PANK4: variants seen among roughly 807,000 people sequenced by gnomAD.
PANK4 encodes the protein pantothenate kinase 4 (inactive).
In PANK4, 40 loss-of-function variants were observed where a neutral mutation model predicts 87.9. The observed-to-expected ratio is 0.46, with a 90% CI of 0.35 to 0.59. The LOEUF (loss-of-function observed/expected upper bound fraction) is 0.59. PANK4 is among the 20% of genes least tolerant of loss of function. PANK4 has a pLI of 0.00. For missense variants in PANK4, 926 were observed against 1,072.3 expected (o/e 0.86, Z 1.90); for synonymous variants, 524 against 467.4 (o/e 1.12, Z -1.56).
intron 13 of PANK4, among the ~76,000 whole-genome samples, chr1:2,512,185 C>G (rs530666394): frequency 1.3e-5 from 2 of 152,278 alleles, no homozygotes; most frequent in Admixed American, 6.5e-5. Flanking sequence ...GGGTCAGGAC[C>G]CTCCTCCAAT....
chr1:2,517,525 A>G lies in PANK4; in HGVS notation c.1218+639T>C, dbSNP rs116127768. ...CGGTCGAGGACCCTGACAGCCTGTG[A>G]CACGGGGCGGTTCCTGCCATGTGGG... On this transcript the variant is annotated intron_variant, in intron 9 of 18. Transcript: ENST00000378466. Among the ~76,000 whole-genome samples, 1,514 of 152,340 alleles carry G rather than the reference A, an allele frequency of 9.9e-3. 24 individuals are homozygous for G. Among genetic ancestry groups the G allele is most frequent in the African/African-American group, 0.034 (1,419 of 41,570 alleles).
At chr1:2,524,039 A>G (rs1466286694) in intron 1 of PANK4, among the ~76,000 whole-genome samples, 1 of 152,132 alleles carries the variant, frequency 6.6e-6, no homozygotes, top group Non-Finnish European at 1.5e-5. Context: ...CTCTTTGGGC[A>G]CCAATGGAGG....
At position 2,520,175 on chromosome 1, in the gene PANK4, G is replaced by T; in HGVS notation, c.699+147C>A. The T allele has an allele frequency of 1.2e-6, 1 of 809,940 alleles. No individual in the cohort carries two copies. Among genetic ancestry groups the T allele is most frequent in the Admixed American group, 2.4e-5 (1 of 42,386 alleles). The allele number at this position is 809,940 out of a possible 1,614,324, so 50.2% of individuals were successfully genotyped here. A position where few individuals can be genotyped will look rare whatever the true frequency, so the allele number is the denominator to read the frequency against. On this transcript the variant is annotated intron_variant, in intron 5 of 18. Coordinates refer to ENST00000378466, the MANE Select transcript of PANK4 (RefSeq NM_018216.4). This position sits in a 1 kb window ranked among gnomAD's most constrained non-coding sequence, Gnocchi z 6.2. Reference sequence around the variant, plus strand: ...ACACCCAACCCTCAGGGCGCAAAGAGTGAAGCCGCAGAGGCCAGAGACCCA... The same window carrying T: ...ACACCCAACCCTCAGGGCGCAAAGATTGAAGCCGCAGAGGCCAGAGACCCA...
rs1029980344 is a variant in PANK4 at position 2,518,748 on chromosome 1, G to A, written c.1036-151C>T. On this transcript the variant is annotated intron_variant, in intron 7 of 18. Coordinates refer to ENST00000378466, the MANE Select transcript of PANK4 (RefSeq NM_018216.4). ...CCACGGCATACTTGCCAGTGGAATC[G>A]CGCCTGGCACCAGAGGGCGGGCTGC... The A allele has an allele frequency of 2.6e-5, 18 of 685,838 alleles. No individual in the cohort carries two copies. In the African/African-American group the frequency reaches 2.8e-4, roughly 11 times the overall value. The allele number at this position is 685,838 out of a possible 1,614,324, so 42.5% of individuals were successfully genotyped here.
chr1:2,508,751 C>T lies in PANK4; in HGVS notation c.*96G>A. 1.3e-6 allele frequency: 1 copy of T among 758,142 alleles called. No homozygotes were observed. Among genetic ancestry groups the T allele is most frequent in the Admixed American group, 2.1e-5 (1 of 47,026 alleles). 47.0% of individuals were successfully genotyped at this position (758,142 alleles called of 1,614,324 possible). On this transcript the variant is annotated 3_prime_UTR_variant, in exon 19 of 19. Transcript: ENST00000378466. The surrounding 1 kb of genome is among the most constrained non-coding windows in gnomAD (Gnocchi z 5.1). Reference sequence around the variant, plus strand: ...GTGTATGTGCCGCGTCACAGCAGTACCATATAAATACGTTGATTTGAACGC... The same window carrying T: ...GTGTATGTGCCGCGTCACAGCAGTATCATATAAATACGTTGATTTGAACGC...
chr1:2,522,314 G>T (rs1006469870), intron 1 of PANK4, among the ~76,000 whole-genome samples: 3 of 152,186 alleles, frequency 2.0e-5, no homozygotes, highest in Non-Finnish European at 4.4e-5. Context: ...AAACGGTGCC[G>T]CTGGCTACTC....
chr1:2,511,597 G>A (rs1295640928), intron 14 of PANK4, 31 bp downstream of exon 14: 2 of 1,529,444 alleles, frequency 1.3e-6, no homozygotes, highest in Non-Finnish European at 1.8e-6. Flanking sequence ...CCAGCACAAG[G>A]CAAGGCCCCA....
intron 7 of PANK4, among the ~76,000 whole-genome samples, 153 bp downstream of exon 7, chr1:2,518,990 G>T (rs1426410352): frequency 6.6e-6 from 1 of 152,206 alleles, no homozygotes; most frequent in African/African-American, 2.4e-5. Flanking sequence ...AATGTAGGCT[G>T]CCCAGAATCA....
rs1643753574 is a variant in PANK4 at position 2,515,488 on chromosome 1, T to C, written c.1374+74A>G. ...GCCTGTCCCCCTTCGCCACCTTGGC[T>C]TTGCCCCCGGAGCCTTGGAAGGTTA... On this transcript the variant is annotated intron_variant, in intron 10 of 18. Transcript: ENST00000378466. The surrounding 1 kb of genome is among the most constrained non-coding windows in gnomAD (Gnocchi z 5.0). 1.3e-6 allele frequency: 2 copies of C among 1,525,590 alleles called. No homozygotes were observed. The highest frequency in any genetic ancestry group is 1.1e-5 in the South Asian group (1 of 89,334). 94.5% of individuals were successfully genotyped at this position (1,525,590 alleles called of 1,614,324 possible).
rs1337884651 is a variant in PANK4, at chr1:2,515,308, G to C, written c.1374+254C>G. The C allele has an allele frequency of 1.5e-6, 1 of 684,672 alleles. No homozygotes were observed. Among genetic ancestry groups the C allele is most frequent in the African/African-American group, 1.8e-5 (1 of 57,112 alleles). The allele number at this position is 684,672 out of a possible 1,614,324, so 42.4% of individuals were successfully genotyped here. On this transcript the variant is annotated intron_variant, in intron 10 of 18. Transcript: ENST00000378466. This position sits in a 1 kb window ranked among gnomAD's most constrained non-coding sequence, Gnocchi z 5.0. ...AATTGCTTTTTGAAGGAATGTGCTAGCTAGCAGAACTATCAGCTGCCCTTA... is the reference window on the plus strand; with the variant it reads ...AATTGCTTTTTGAAGGAATGTGCTACCTAGCAGAACTATCAGCTGCCCTTA...
In PANK4 at chr1:2,518,179, C is replaced by A. The variant is rs770701938; in HGVS notation, c.1203G>T (p.Arg401=). Residue 401 remains arginine, a synonymous_variant, in exon 9 of 19, where the codon CGG becomes CGT. Transcript: ENST00000378466. ...CACTACTCACAGTGCCACTCCGCGC[C>A]CGCTGCGCCGGGCCGAGCTCGGGTG... is the stretch of plus-strand genomic sequence containing the variant. ...SASPELGPAQ[R]ARSGTFDLLE... The A allele has an allele frequency of 1.9e-6, 3 of 1,607,334 alleles. No homozygotes were observed. The highest frequency in any genetic ancestry group is 1.7e-5 in the Admixed American group (1 of 59,756).
rs1345763682 is a variant in PANK4, at chr1:2,519,683, A to T, written c.853+118T>A. On this transcript the variant is annotated intron_variant, in intron 6 of 18. Transcript: ENST00000378466. This position sits in a 1 kb window ranked among gnomAD's most constrained non-coding sequence, Gnocchi z 8.3. ...GAAGAGGTTACAGGGCTGACACCCAAGACCCCGACTCTCCAGGGAGCAGTT... is the reference window on the plus strand; with the variant it reads ...GAAGAGGTTACAGGGCTGACACCCATGACCCCGACTCTCCAGGGAGCAGTT... The T allele has an allele frequency of 1.8e-6, 2 of 1,095,736 alleles. No individual in the cohort carries two copies. The highest frequency in any genetic ancestry group is 1.6e-5 in the African/African-American group (1 of 63,052). 67.9% of individuals were successfully genotyped at this position (1,095,736 alleles called of 1,614,324 possible). A position where few individuals can be genotyped will look rare whatever the true frequency, so the allele number is the denominator to read the frequency against.
At chr1:2,518,079 A>G (rs2100784563) in intron 9 of PANK4, 85 bp downstream of exon 9, 1 of 780,294 alleles carries the variant, frequency 1.3e-6, no homozygotes, top group African/African-American at 1.7e-5. Context: ...GGACAGCCAC[A>G]AGAGGCTTCG....
Position 2,510,882 on chromosome 1 carries a change from C to T in PANK4, c.1834-100G>A. 1.3e-6 allele frequency: 1 copy of T among 746,408 alleles called. No individual in the cohort carries two copies. The highest frequency in any genetic ancestry group is 2.4e-6 in the Non-Finnish European group (1 of 422,658). The allele number at this position is 746,408 out of a possible 1,614,324, so 46.2% of individuals were successfully genotyped here. A position where few individuals can be genotyped will look rare whatever the true frequency, so the allele number is the denominator to read the frequency against. Reference sequence around the variant, plus strand: ...TCACGCTGCCCTGCAGGGGCCGAGACTGGGGGCTTCAGGGCCCCAGAGATG... The same window carrying T: ...TCACGCTGCCCTGCAGGGGCCGAGATTGGGGGCTTCAGGGCCCCAGAGATG... On this transcript the variant is annotated intron_variant, in intron 15 of 18. Transcript: ENST00000378466. The surrounding 1 kb of genome is among the most constrained non-coding windows in gnomAD (Gnocchi z 4.9).
chr1:2,524,080 G>A (rs1482166427), intron 1 of PANK4, among the ~76,000 whole-genome samples: 2 of 152,216 alleles, frequency 1.3e-5, no homozygotes, highest in Admixed American at 6.5e-5. Flanking sequence ...CCACCGCCCC[G>A]TGGCCCCTTC....
rs1441681920 is a variant in PANK4 at position 2,520,702 on chromosome 1, A to G, written c.606+21T>C. The G allele has an allele frequency of 1.2e-6, 2 of 1,604,322 alleles. No individual in the cohort carries two copies. The highest frequency in any genetic ancestry group is 2.7e-5 in the African/African-American group (2 of 74,434). On this transcript the variant is annotated intron_variant, in intron 4 of 18. Transcript: ENST00000378466. The surrounding 1 kb of genome is among the most constrained non-coding windows in gnomAD (Gnocchi z 6.2). ...CTATGGCTAAACCATCCACTCATTCATTCATGAAGCCGGGTCTTACCTTCA... is the reference window on the plus strand; with the variant it reads ...CTATGGCTAAACCATCCACTCATTCGTTCATGAAGCCGGGTCTTACCTTCA...
At chr1:2,521,553 T>C in intron 2 of PANK4, 165 bp downstream of exon 2, 1 of 747,810 alleles carries the variant, frequency 1.3e-6, no homozygotes, top group South Asian at 1.5e-5. Context: ...ACAAAGGGTC[T>C]TGAAGGGACA....
At position 2,515,654 on chromosome 1, in the gene PANK4, G is replaced by A. The variant is rs1428865274; in HGVS notation, c.1282C>T (p.Pro428Ser). ...ACCGTGTCGGGCACGTAGGAGGGCG[G>A]GTCCAGGAGGAGCGGCAGGTCAACC... ...PLVDLPLLLD[P>S]PSYVPDTVDL... The change falls in exon 10 of 19, where the codon CCG (proline) becomes TCG (serine). Residue 428 changes from proline (P) to serine (S), a missense_variant. By Grantham distance (74) the Pro-to-Ser change is moderately conservative (BLOSUM62 -1). Transcript: ENST00000378466. The surrounding 1 kb of genome is among the most constrained non-coding windows in gnomAD (Gnocchi z 5.0). 7 of 1,613,142 alleles carry A rather than the reference G, an allele frequency of 4.3e-6. No homozygotes were observed. In the East Asian group the frequency reaches 1.3e-4, roughly 31 times the overall value.
At position 2,512,976 on chromosome 1, in the gene PANK4, C is replaced by A. The variant is rs372681543; in HGVS notation, c.1639G>T (p.Ala547Ser). ...AGCTGCCGTTCCTCCCAGCCCAGCG[C>A]GTCCAGGGAGCGCACGACCCCGGGG... ...CFPGVVRSLD[A>S]LGWEERQLAL... Residue 547 changes from alanine (A) to serine (S), a missense_variant, in exon 13 of 19, where the codon GCG becomes TCG. Physicochemically the swap from Ala to Ser is moderately conservative, Grantham distance 99. Coordinates refer to ENST00000378466, the MANE Select transcript of PANK4 (RefSeq NM_018216.4). 4.3e-6 allele frequency: 7 copies of A among 1,612,098 alleles called. No individual in the cohort carries two copies. The African/African-American group carries it at 5.3e-5, about 12-fold the overall frequency.
Sources: gnomAD v4.1 joint callset for allele counts (sites outside exome capture counted in the v4.1 genomes callset) on GRCh38, gnomAD v4.1.1 for gene constraint, Gnocchi (gnomAD v3.1) non-coding constraint, MANE v1.5 for transcripts, NCBI Gene and HGNC (gene_info 2026-07-23, HGNC 2026-07-21) for gene names.